SUGCT: variants seen among roughly 807,000 people sequenced by gnomAD.
The protein encoded by SUGCT is succinyl-CoA:glutarate-CoA transferase, also known as succinyl-CoA:glutarate CoA-transferase.
SUGCT carries 41 observed loss-of-function variants against 55.0 expected under a neutral mutation model. That is an observed-to-expected ratio of 0.74 (90% CI 0.58 to 0.97). The LOEUF is 0.97. Among genes scored for constraint, SUGCT ranks in the 50% least tolerant of loss-of-function variants. SUGCT has a pLI of 0.00. For missense variants in SUGCT, 568 were observed against 547.8 expected, an observed-to-expected ratio of 1.04 and a Z score of -0.37; for synonymous variants, 187 against 200.4, an observed-to-expected ratio of 0.93 and a Z score of 0.56.
In SUGCT at chr7:40,237,631, T is replaced by C; in HGVS notation, c.485-4T>C. 6.2e-7 allele frequency: 1 copy of C among 1,613,468 alleles called. No homozygotes were observed. Among genetic ancestry groups the C allele is most frequent in the South Asian group, 1.1e-5 (1 of 91,062 alleles). ...GCTGAATATGTTTATTTTTGTTGTT[T>C]TAGGGTATGGTCAGACAGGTCCAAT... On this transcript the variant is annotated splice_polypyrimidine_tract_variant and splice_region_variant and intron_variant, in intron 6 of 13. Coordinates refer to ENST00000335693, the MANE Select transcript of SUGCT (RefSeq NM_001193313.2).
At chr7:40,700,517 A>C (rs548782834) in intron 12 of SUGCT, among the ~76,000 whole-genome samples, 3 of 152,340 alleles carry the variant, frequency 2.0e-5, no homozygotes, top group African/African-American at 7.2e-5. Context: ...TATTTTGAAC[A>C]ATATTTCATT....
chr7:40,541,118 C>T (rs1410721293), intron 12 of SUGCT, among the ~76,000 whole-genome samples: 2 of 152,110 alleles, frequency 1.3e-5, no homozygotes, highest in Non-Finnish European at 2.9e-5. Context: ...TTTAAAAATG[C>T]CCTCCAGGCT....
chr7:40,942,000 T>G, the SUGCT span, among the ~76,000 whole-genome samples: 6 of 152,126 alleles, frequency 3.9e-5, no homozygotes, highest in Non-Finnish European at 2.9e-5. Context: ...ATATTTCGTT[T>G]GTGAGTTTTT....
chr7:40,184,163 C>T (rs1785368144), intron 3 of SUGCT, among the ~76,000 whole-genome samples: 3 of 152,128 alleles, frequency 2.0e-5, no homozygotes, highest in Admixed American at 2.0e-4. Flanking sequence ...CAACAAGAGC[C>T]ACACTCCATC....
intron 9 of SUGCT, among the ~76,000 whole-genome samples, chr7:40,392,830 A>C (rs534983522): frequency 2.6e-5 from 4 of 152,198 alleles, no homozygotes; most frequent in Non-Finnish European, 4.4e-5. Flanking sequence ...AGTTTGAAAA[A>C]TAAATTTACA....
intron 12 of SUGCT, among the ~76,000 whole-genome samples, chr7:40,650,696 C>A (rs1468384629): frequency 6.6e-6 from 1 of 152,120 alleles, no homozygotes; most frequent in South Asian, 2.1e-4. Flanking sequence ...AATTTGATGA[C>A]TTTTTCACTC....
chr7:40,494,286 A>G (rs1017512095), intron 11 of SUGCT, among the ~76,000 whole-genome samples: 1 of 152,172 alleles, frequency 6.6e-6, no homozygotes, highest in African/African-American at 2.4e-5. Context: ...AACTTAAGTA[A>G]TTGACACCCT....
intron 13 of SUGCT, among the ~76,000 whole-genome samples, chr7:40,753,429 A>G (rs970445091): frequency 5.3e-5 from 8 of 152,226 alleles, no homozygotes; most frequent in Non-Finnish European, 1.2e-4. Context: ...TTTGCTAGAC[A>G]TAGTTCTATA....
the SUGCT span, among the ~76,000 whole-genome samples, chr7:40,869,580 C>G: frequency 6.6e-6 from 1 of 152,196 alleles, no homozygotes; most frequent in Non-Finnish European, 1.5e-5. Flanking sequence ...ACTTAAGGAG[C>G]TGAAAGCTTA....
chr7:40,964,635 A>C, the SUGCT span: 2 of 152,212 alleles, frequency 1.3e-5, no homozygotes, highest in Non-Finnish European at 2.9e-5. Flanking sequence ...CTTCATGGGA[A>C]TGATCCCAGC....
intron 8 of SUGCT, among the ~76,000 whole-genome samples, chr7:40,312,647 T>C (rs755261182): frequency 1.3e-5 from 2 of 152,146 alleles, no homozygotes; most frequent in Non-Finnish European, 2.9e-5. Flanking sequence ...GCAGTAGAAA[T>C]CAGATAAATT....
chr7:40,341,223 A>G (rs1797025665), intron 9 of SUGCT, among the ~76,000 whole-genome samples: 1 of 152,232 alleles, frequency 6.6e-6, no homozygotes, highest in African/African-American at 2.4e-5. Context: ...ACCATTTTGT[A>G]TAATGAATGG....
intron 1 of SUGCT, among the ~76,000 whole-genome samples, chr7:40,161,255 A>G (rs550682087): frequency 5.7e-4 from 87 of 152,318 alleles, no homozygotes; most frequent in Middle Eastern, 6.8e-3. Flanking sequence ...ATCAAATCAT[A>G]AAACAAATCT....
intron 11 of SUGCT, among the ~76,000 whole-genome samples, chr7:40,466,282 G>T (rs1790106233): frequency 6.6e-6 from 1 of 152,120 alleles, no homozygotes; most frequent in South Asian, 2.1e-4. Context: ...CCTTGCCTGG[G>T]TCACACAGAA....
intron 1 of SUGCT, among the ~76,000 whole-genome samples, chr7:40,152,044 C>T (rs188288840): frequency 2.9e-4 from 44 of 152,166 alleles, no homozygotes; most frequent in Admixed American, 2.3e-3. Flanking sequence ...TGCATCAGAA[C>T]GCAGGGTCTA....
intron 9 of SUGCT, among the ~76,000 whole-genome samples, chr7:40,432,252 C>A (rs1787930566): frequency 1.3e-5 from 2 of 152,092 alleles, no homozygotes; most frequent in South Asian, 4.1e-4. Context: ...ACATAGTATT[C>A]TTGGTTAGAA....
chr7:40,786,996 T>G (rs1156368376), intron 13 of SUGCT, among the ~76,000 whole-genome samples: 1 of 152,224 alleles, frequency 6.6e-6, no homozygotes, highest in African/African-American at 2.4e-5. Flanking sequence ...TTGATTCATT[T>G]TTTATTAAAT....
At chr7:40,486,927 T>C (rs1003400290) in intron 11 of SUGCT, among the ~76,000 whole-genome samples, 7 of 152,044 alleles carry the variant, frequency 4.6e-5, no homozygotes, top group African/African-American at 1.7e-4. Context: ...GGTCTCACTA[T>C]GTTTCCCAGG....
chr7:40,788,536 C>A (rs1790150181), intron 13 of SUGCT, among the ~76,000 whole-genome samples: 2 of 152,176 alleles, frequency 1.3e-5, no homozygotes. Context: ...TAGAACATCT[C>A]TGCAAAGAAA....
Sources: allele counts gnomAD v4.1 joint callset (sites outside exome capture counted in the v4.1 genomes callset), GRCh38; gene constraint gnomAD v4.1.1; transcripts MANE v1.5; gene names NCBI Gene and HGNC (gene_info 2026-07-23, HGNC 2026-07-21).